CWH43: variants seen among roughly 807,000 people sequenced by gnomAD.
CWH43 encodes the protein cell wall biogenesis 43 C-terminal homolog, also known as PGAP2-interacting protein.
CWH43 carries 91 observed loss-of-function variants against 85.7 expected under a neutral mutation model. The observed-to-expected ratio is 1.06, with a 90% CI of 0.90 to 1.26. The LOEUF (loss-of-function observed/expected upper bound fraction) is 1.26, where lower values mean the gene tolerates loss of function less well. Ranked by LOEUF, CWH43 falls within the 50% of genes most tolerant of loss-of-function variation. The pLI is 0.00. For missense variants in CWH43, 869 were observed against 839.2 expected (o/e 1.04, Z -0.44); for synonymous variants, 323 against 293.6 (o/e 1.10, Z -1.02).
intron 15 of CWH43, among the ~76,000 whole-genome samples, chr4:49,060,916 G>A (rs1785137086): frequency 6.6e-6 from 1 of 152,134 alleles, no homozygotes; most frequent in Non-Finnish European, 1.5e-5. Flanking sequence ...GTGTGTATAT[G>A]TGTGTTTTTG....
At chr4:49,020,416 C>CACACACACACACACACACACAT (rs140534523) in intron 9 of CWH43, among the ~76,000 whole-genome samples, 21 of 128,390 alleles carry the variant, frequency 1.6e-4, no homozygotes, top group South Asian at 5.2e-4. Context: ...CACACACACA[C>CACACACACACACACACACACAT]ATATATATAT....
intron 8 of CWH43, among the ~76,000 whole-genome samples, chr4:49,011,503 A>G (rs1783358707): frequency 6.6e-6 from 1 of 152,166 alleles, no homozygotes; most frequent in Admixed American, 6.5e-5. Flanking sequence ...TGATCCTATC[A>G]TTATGATGTT....
rs1784140977 is a variant in CWH43, at chr4:49,032,771, A to G, written c.1658+56A>G. ...CAAATGCCAAGAAATGTTATTAACA[A>G]TGTACTTTGATTTCTATGAAATCAC... is the stretch of plus-strand genomic sequence containing the variant. On this transcript the variant is annotated intron_variant, in intron 12 of 15. Transcript: ENST00000226432. 1.9e-6 allele frequency: 3 copies of G among 1,576,980 alleles called. No individual in the cohort carries two copies. The South Asian group carries it at 3.3e-5, about 18-fold the overall frequency.
chr4:49,002,240 CA>C (rs1783012750), intron 6 of CWH43, among the ~76,000 whole-genome samples: 2 of 151,784 alleles, frequency 1.3e-5, no homozygotes, highest in African/African-American at 2.4e-5. Flanking sequence ...GGATCATTGA[CA>C]AAAAAAGATG....
Position 49,050,834 on chromosome 4 carries a change from T to G in CWH43, c.2006T>G (p.Ile669Ser). The G allele has an allele frequency of 6.2e-7, 1 of 1,612,212 alleles. No individual in the cohort carries two copies. The highest frequency in any genetic ancestry group is 1.3e-5 in the African/African-American group (1 of 74,888). Residue 669 changes from isoleucine (I) to serine (S), a missense_variant, in exon 15 of 16, where the codon ATT becomes AGT. This residue lies in a region of CWH43 where 577 missense variants were observed against 513.1 expected (regional missense o/e 1.12). Coordinates refer to ENST00000226432, the MANE Select transcript of CWH43 (RefSeq NM_025087.3). Reference sequence around the variant, plus strand: ...GACCACAGAGAAGTTTCTGAGAAAATTCATTTTAATCCCAGGTGAGTTCCT... The same window carrying G: ...GACCACAGAGAAGTTTCTGAGAAAAGTCATTTTAATCCCAGGTGAGTTCCT... ...VIDHREVSEK[I>S]HFNPRFGSYK...
At chr4:48,994,561 T>C (rs749392071) in intron 4 of CWH43, 58 bp from the exon 5 acceptor site, 1 of 1,425,868 alleles carries the variant, frequency 7.0e-7, no homozygotes, top group Non-Finnish European at 9.8e-7. Context: ...CTGCTAAATA[T>C]AGAGCGCAAA....
intron 9 of CWH43, among the ~76,000 whole-genome samples, chr4:49,018,813 C>T (rs571543951): frequency 4.6e-5 from 7 of 152,284 alleles, no homozygotes; most frequent in African/African-American, 1.7e-4. Flanking sequence ...ACAGACCATG[C>T]TTCTCTTCTT....
intron 12 of CWH43, among the ~76,000 whole-genome samples, chr4:49,037,589 C>T (rs1784299062): frequency 6.7e-6 from 1 of 149,872 alleles, no homozygotes; most frequent in African/African-American, 2.4e-5. Context: ...AAAAAGTGTT[C>T]AGTTGAAGGA....
chr4:49,003,554 C>A, intron 6 of CWH43, 181 bp from the exon 7 acceptor site: 1 of 602,378 alleles, frequency 1.7e-6, no homozygotes. Flanking sequence ...CCAGTTGAGA[C>A]AATAACTGGC....
chr4:49,038,134 C>T lies in CWH43; in HGVS notation c.1757C>T (p.Pro586Leu). 6.2e-7 allele frequency: 1 copy of T among 1,611,376 alleles called. No homozygotes were observed. The highest frequency in any genetic ancestry group is 8.5e-7 in the Non-Finnish European group (1 of 1,178,514). Residue 586 changes from proline (P) to leucine (L), a missense_variant, in exon 13 of 16, where the codon CCT becomes CTT. Transcript: ENST00000226432. The stretch of plus-strand genomic sequence containing the variant: ...TTTCTGGGATATATCACTTCAGCAC[C>T]TGGCTCCAGAGATTATCTACAGCTC... ...VIFLGYITSA[P>L]GSRDYLQLTE...
chr4:49,040,327 T>C (rs2109822991), intron 13 of CWH43, among the ~76,000 whole-genome samples: 1 of 152,352 alleles, frequency 6.6e-6, no homozygotes, highest in East Asian at 1.9e-4. Flanking sequence ...CCACACTGAC[T>C]TCCACAATGG....
chr4:48,996,414 C>A (rs1782815112), intron 5 of CWH43, among the ~76,000 whole-genome samples: 1 of 152,050 alleles, frequency 6.6e-6, no homozygotes, highest in Admixed American at 6.6e-5. Context: ...GACACTAAGT[C>A]CCTTGAGGGC....
At chr4:49,018,079 C>A (rs1022076979) in intron 9 of CWH43, among the ~76,000 whole-genome samples, 1 of 151,876 alleles carries the variant, frequency 6.6e-6, no homozygotes, top group Admixed American at 6.6e-5. Context: ...ACCTTGTGAT[C>A]CGCCTGCCTC....
At chr4:49,043,750 T>G (rs780942508) in intron 13 of CWH43, among the ~76,000 whole-genome samples, 6 of 152,128 alleles carry the variant, frequency 3.9e-5, no homozygotes, top group Non-Finnish European at 7.4e-5. Context: ...TTTATTTATC[T>G]ATTTAATTAT....
At chr4:49,048,243 T>C (rs1002284023) in intron 14 of CWH43, among the ~76,000 whole-genome samples, 6 of 151,904 alleles carry the variant, frequency 3.9e-5, no homozygotes, top group African/African-American at 1.5e-4. Flanking sequence ...CTGAAACCTT[T>C]ATTACCTCTC....
chr4:49,009,158 T>G (rs928212842), intron 8 of CWH43, among the ~76,000 whole-genome samples: 5 of 152,152 alleles, frequency 3.3e-5, no homozygotes, highest in Admixed American at 3.3e-4. Flanking sequence ...CATTGAGCAG[T>G]GGTTTGTAGT....
chr4:49,017,161 G>A, intron 8 of CWH43, 88 bp from the exon 9 acceptor site: 1 of 1,096,000 alleles, frequency 9.1e-7, no homozygotes, highest in South Asian at 1.3e-5. Flanking sequence ...CCATGGCACT[G>A]GAGCTGAGGC....
rs1434197017 is a variant in CWH43, at chr4:48,986,523, A to G, written c.43+51A>G. ...TTCGCGGGTGCCAGCTCCCCGGGCC[A>G]TGTCCAGAGCCGTGGAGCCAGGCCA... On this transcript the variant is annotated intron_variant, in intron 1 of 15. Transcript: ENST00000226432. The G allele has an allele frequency of 1.9e-6, 3 of 1,548,514 alleles. No individual in the cohort carries two copies. In the Middle Eastern group the frequency reaches 5.0e-4, roughly 260 times the overall value.
chr4:48,998,978 T>C (rs1156232957), intron 6 of CWH43, among the ~76,000 whole-genome samples: 1 of 152,206 alleles, frequency 6.6e-6, no homozygotes, highest in Non-Finnish European at 1.5e-5. Flanking sequence ...TGCAGGTTTG[T>C]TACATAAGTA....
Sources: allele counts gnomAD v4.1 joint callset (sites outside exome capture counted in the v4.1 genomes callset), GRCh38; gene constraint gnomAD v4.1.1; regional missense constraint gnomAD v4.1.1; transcripts MANE v1.5; gene names NCBI Gene and HGNC (gene_info 2026-07-23, HGNC 2026-07-21).